MYRIP: variants seen among roughly 807,000 people sequenced by gnomAD.
MYRIP encodes the protein rab effector MyRIP.
In MYRIP, 49 loss-of-function variants were observed where a neutral mutation model predicts 98.0. That is an observed-to-expected ratio of 0.50 (90% CI 0.40 to 0.63). The LOEUF is 0.63. Among genes scored for constraint, MYRIP ranks in the 30% least tolerant of loss-of-function variants. MYRIP has a pLI of 0.00. For synonymous variants in MYRIP, 404 were observed against 409.5 expected (o/e 0.99, Z 0.16); for missense variants, 1,004 against 1,058.2 (o/e 0.95, Z 0.71).
At chr3:40,218,626 A>ATATATATATATATATTT (rs1952221362) in intron 11 of MYRIP, among the ~76,000 whole-genome samples, 1 of 14,808 alleles carries the variant, frequency 6.8e-5, no homozygotes, top group African/African-American at 1.1e-4. Context: ...ATATATATAT[A>ATATATATATATATATTT]TATATATATA....
At chr3:40,151,616 G>A (rs1203876165) in intron 4 of MYRIP, among the ~76,000 whole-genome samples, 2 of 152,184 alleles carry the variant, frequency 1.3e-5, no homozygotes, top group Non-Finnish European at 2.9e-5. Flanking sequence ...GGCCCAGAAG[G>A]TGATGTAGTG....
intron 3 of MYRIP, among the ~76,000 whole-genome samples, chr3:40,084,337 C>T (rs1948558525): frequency 6.7e-6 from 1 of 148,632 alleles, no homozygotes; most frequent in African/African-American, 2.5e-5. Context: ...AGATAATACA[C>T]ATCTATGTAT....
intron 2 of MYRIP, among the ~76,000 whole-genome samples, chr3:40,042,697 G>C (rs1947567969): frequency 6.6e-6 from 1 of 152,164 alleles, no homozygotes; most frequent in Non-Finnish European, 1.5e-5. Context: ...GTAAATAGTA[G>C]TAAAATACTA....
chr3:40,201,271 G>T (rs115156070), intron 10 of MYRIP, among the ~76,000 whole-genome samples: 3,357 of 152,268 alleles, frequency 0.022, 55 homozygotes, highest in Middle Eastern at 0.051. Flanking sequence ...ATAAGTGGTT[G>T]CCCTTTCAAC....
intron 2 of MYRIP, among the ~76,000 whole-genome samples, chr3:39,958,874 C>T (rs1274685429): frequency 6.6e-6 from 1 of 152,066 alleles, no homozygotes; most frequent in East Asian, 1.9e-4. Context: ...AGTATATGAA[C>T]AAGACACTTC....
At chr3:39,913,031 C>T (rs1055553689) in intron 2 of MYRIP, among the ~76,000 whole-genome samples, 1 of 129,030 alleles carries the variant, frequency 7.8e-6, no homozygotes. Flanking sequence ...CAGAGCAAGA[C>T]TCCATCTTAA....
intron 4 of MYRIP, among the ~76,000 whole-genome samples, chr3:40,155,908 G>A (rs1413156827): frequency 2.6e-5 from 4 of 151,312 alleles, no homozygotes. Context: ...TGTCAGATGA[G>A]TAGGTTGCAA....
At chr3:40,023,198 G>A (rs1050910985) in intron 2 of MYRIP, among the ~76,000 whole-genome samples, 1 of 152,316 alleles carries the variant, frequency 6.6e-6, no homozygotes, top group African/African-American at 2.4e-5. Context: ...GGTCACAAGT[G>A]CAGATGTCAA....
In MYRIP at chr3:39,976,348, C is replaced by T. The variant is rs563114645; in HGVS notation, c.111-67702C>T. ...TGCAAATCAAAACCACAATGAGAGA[C>T]CATCTCACACCAGTTAGAATGGCGA... On this transcript the variant is annotated intron_variant, in intron 2 of 16. Coordinates refer to ENST00000302541, the MANE Select transcript of MYRIP (RefSeq NM_015460.4). Among the ~76,000 whole-genome samples, 335 of 152,286 alleles carry T rather than the reference C, an allele frequency of 2.2e-3. 3 individuals carry two copies. Among genetic ancestry groups the T allele is most frequent in the African/African-American group, 7.7e-3 (318 of 41,568 alleles).
chr3:39,943,860 C>A (rs1199542241), intron 2 of MYRIP, among the ~76,000 whole-genome samples: 1 of 151,978 alleles, frequency 6.6e-6, no homozygotes, highest in Non-Finnish European at 1.5e-5. Context: ...GATTATGGAC[C>A]CTGATCGATT....
At chr3:40,046,026 A>T (rs918588507) in intron 3 of MYRIP, among the ~76,000 whole-genome samples, 1 of 152,166 alleles carries the variant, frequency 6.6e-6, no homozygotes, top group African/African-American at 2.4e-5. Context: ...TCTAAAGTAG[A>T]TCAGTTGAGT....
At chr3:40,089,781 G>A (rs371287842) in intron 3 of MYRIP, among the ~76,000 whole-genome samples, 19 of 152,238 alleles carry the variant, frequency 1.2e-4, no homozygotes, top group African/African-American at 3.6e-4. Flanking sequence ...GCAATGGATC[G>A]TTCATGCAGA....
intron 10 of MYRIP, among the ~76,000 whole-genome samples, chr3:40,204,247 T>C (rs1466745987): frequency 9.2e-6 from 1 of 108,344 alleles, no homozygotes; most frequent in African/African-American, 3.5e-5. Context: ...TTTTTTTTTT[T>C]GAGACAGAGT....
chr3:39,953,138 A>C (rs1945068812), intron 2 of MYRIP, among the ~76,000 whole-genome samples: 1 of 152,156 alleles, frequency 6.6e-6, no homozygotes, highest in African/African-American at 2.4e-5. Context: ...CAAAAACTGC[A>C]GGTTTTCATG....
chr3:40,011,553 C>T (rs1473770058), intron 2 of MYRIP, among the ~76,000 whole-genome samples: 2 of 152,218 alleles, frequency 1.3e-5, no homozygotes, highest in Non-Finnish European at 2.9e-5. Flanking sequence ...CACTGTTGCT[C>T]ACCACTGTTT....
intron 2 of MYRIP, among the ~76,000 whole-genome samples, chr3:39,994,437 A>T (rs9857053): frequency 0.1 from 15,409 of 152,324 alleles, 1,361 homozygotes; most frequent in African/African-American, 0.23. Context: ...AGCCTCGCTC[A>T]TTGCTAGCAC....
intron 1 of MYRIP, among the ~76,000 whole-genome samples, chr3:39,844,947 T>C (rs773970607): frequency 1.3e-5 from 2 of 152,342 alleles, no homozygotes; most frequent in African/African-American, 2.4e-5. Flanking sequence ...CAGCCTTTTC[T>C]TGCTTCAGGC....
At chr3:40,201,652 G>A (rs1435349702) in intron 10 of MYRIP, among the ~76,000 whole-genome samples, 3 of 150,898 alleles carry the variant, frequency 2.0e-5, no homozygotes, top group Middle Eastern at 3.2e-3. Context: ...AACCTTGAGA[G>A]ACTCTCTTTG....
intron 3 of MYRIP, among the ~76,000 whole-genome samples, chr3:40,072,151 T>C (rs1948245136): frequency 6.6e-6 from 1 of 152,172 alleles, no homozygotes. Context: ...TCAAGATAGG[T>C]GCTTAGTGCA....
Sources: allele counts gnomAD v4.1 joint callset (sites outside exome capture counted in the v4.1 genomes callset), GRCh38; gene constraint gnomAD v4.1.1; transcripts MANE v1.5; gene names NCBI Gene and HGNC (gene_info 2026-07-23, HGNC 2026-07-21).